RNF170: variants seen among roughly 807,000 people sequenced by gnomAD.
RNF170 encodes ring finger protein 170.
A neutral mutation model predicts 32.7 loss-of-function variants in RNF170; 12 were observed. That is an observed-to-expected ratio of 0.37 (90% confidence interval 0.24 to 0.60). The LOEUF (loss-of-function observed/expected upper bound fraction) is 0.60. Among genes scored for constraint, RNF170 ranks in the 20% least tolerant of loss-of-function variants. The pLI is 0.72. For synonymous variants in RNF170, 91 were observed against 103.6 expected (o/e 0.88, Z 0.74); for missense variants, 212 against 311.2 (o/e 0.68, Z 2.40).
intron 1 of RNF170, among the ~76,000 whole-genome samples, chr8:42,893,365 T>C (rs1282681642): frequency 2.0e-5 from 3 of 152,214 alleles, no homozygotes; most frequent in Admixed American, 1.3e-4. Context: ...GTGTAACTGA[T>C]AGAAGTTTGC....
chr8:42,853,554 A>G lies in RNF170; in HGVS notation c.*2605T>C. 1 of 1,287,156 alleles carries G rather than the reference A, an allele frequency of 7.8e-7. No homozygotes were observed. Among genetic ancestry groups the G allele is most frequent in the Non-Finnish European group, 1.0e-6 (1 of 988,670 alleles). The allele number at this position is 1,287,156 out of a possible 1,614,324, so 79.7% of individuals were successfully genotyped here. ...GTCTTGTTCCCCACAGAGCTGCCCA[A>G]GTTATTATCTGCTCCTGGGGTTGGA... On this transcript the variant is annotated 3_prime_UTR_variant, in exon 7 of 7. Transcript: ENST00000527424.
At chr8:42,891,681 C>G (rs1422205694) in intron 1 of RNF170, among the ~76,000 whole-genome samples, 4 of 152,142 alleles carry the variant, frequency 2.6e-5, no homozygotes, top group Admixed American at 2.0e-4. Flanking sequence ...TCCCAGGTGG[C>G]CTGTCCTCAA....
intron 2 of RNF170, among the ~76,000 whole-genome samples, chr8:42,880,199 G>C (rs991863193): frequency 3.9e-5 from 6 of 152,186 alleles, no homozygotes; most frequent in Admixed American, 3.9e-4. Context: ...ATGAGGAGTT[G>C]CTTCCTATGG....
chr8:42,862,766 A>G (rs1378459538), intron 5 of RNF170, among the ~76,000 whole-genome samples: 1 of 152,216 alleles, frequency 6.6e-6, no homozygotes, highest in African/African-American at 2.4e-5. Flanking sequence ...ATAAAAATGC[A>G]TTCTTTCAAT....
At chr8:42,896,988 C>T (rs558074862), upstream of RNF170, 35 of 501,894 alleles carry the variant, frequency 7.0e-5, no homozygotes, top group African/African-American at 6.2e-4. Flanking sequence ...GGAGCCGCTG[C>T]CAGCGCTGGG....
chr8:42,880,689 G>C (rs942053543), intron 2 of RNF170, among the ~76,000 whole-genome samples: 1 of 152,094 alleles, frequency 6.6e-6, no homozygotes, highest in Non-Finnish European at 1.5e-5. Context: ...AGAATTGCTT[G>C]AACCTGGGAG....
intron 1 of RNF170, among the ~76,000 whole-genome samples, chr8:42,893,520 T>C (rs1004349570): frequency 6.6e-6 from 1 of 152,128 alleles, no homozygotes; most frequent in African/African-American, 2.4e-5. Context: ...TAAAAGGCAT[T>C]AGGTTGAACC....
At chr8:42,877,427 G>A (rs1805037377) in intron 2 of RNF170, among the ~76,000 whole-genome samples, 1 of 152,136 alleles carries the variant, frequency 6.6e-6, no homozygotes, top group Non-Finnish European at 1.5e-5. Flanking sequence ...TGATCTGCCT[G>A]CCTCAGGCTC....
intron 2 of RNF170, among the ~76,000 whole-genome samples, chr8:42,879,688 T>C (rs1805229262): frequency 1.3e-5 from 2 of 151,976 alleles, no homozygotes; most frequent in African/African-American, 4.8e-5. Context: ...CTTTTTTTTT[T>C]TTTGAGACAG....
chr8:42,855,978 C>G lies in RNF170; in HGVS notation c.*181G>C. ...CTAAACTTAATATTAGAACTTCAAA[C>G]ATGAAAATTCCAGTTATACCTAGGT... On this transcript the variant is annotated 3_prime_UTR_variant, in exon 7 of 7. Transcript: ENST00000527424. The G allele has an allele frequency of 6.9e-7, 1 of 1,449,154 alleles. No homozygotes were observed. Among genetic ancestry groups the G allele is most frequent in the Non-Finnish European group, 9.2e-7 (1 of 1,087,028 alleles). 89.8% of individuals were successfully genotyped at this position (1,449,154 alleles called of 1,614,324 possible). A position where few individuals can be genotyped will look rare whatever the true frequency, so the allele number is the denominator to read the frequency against.
chr8:42,854,075 C>T lies in RNF170; in HGVS notation c.*2084G>A, dbSNP rs1283521327. 7 of 1,287,206 alleles carry T rather than the reference C, an allele frequency of 5.4e-6. No homozygotes were observed. The highest frequency in any genetic ancestry group is 4.6e-5 in the Admixed American group (2 of 43,542). 79.7% of individuals were successfully genotyped at this position (1,287,206 alleles called of 1,614,324 possible). A position where few individuals can be genotyped will look rare whatever the true frequency, so the allele number is the denominator to read the frequency against. On this transcript the variant is annotated 3_prime_UTR_variant, in exon 7 of 7. Transcript: ENST00000527424. The stretch of plus-strand genomic sequence containing the variant: ...GCAGTGTGACAAACTCCTACTCACT[C>T]GCTTTTCAAGTTGGTGACTGCAGCT...
chr8:42,855,528 TC>T lies in RNF170; in HGVS notation c.*630del. The T allele has an allele frequency of 7.8e-7, 1 of 1,283,056 alleles. No individual in the cohort carries two copies. Among genetic ancestry groups the T allele is most frequent in the Non-Finnish European group, 1.0e-6 (1 of 984,648 alleles). The allele number at this position is 1,283,056 out of a possible 1,614,324, so 79.5% of individuals were successfully genotyped here. On this transcript the variant is annotated 3_prime_UTR_variant, in exon 7 of 7. Coordinates refer to ENST00000527424, the MANE Select transcript of RNF170 (RefSeq NM_030954.4). ...GCCCGGCCATGTTTTTCATCTTAAT[TC>T]TTCTATTGATTAAAATGTGTTCTGT...
At chr8:42,850,772 C>A, downstream of RNF170, 1 of 1,551,546 alleles carries the variant, frequency 6.4e-7, no homozygotes, top group Non-Finnish European at 8.7e-7. Context: ...TTTGGGTAGT[C>A]TGAGTGAGGA....
downstream of RNF170, among the ~76,000 whole-genome samples, chr8:42,851,564 CAAA>C (rs11345853): frequency 7.3e-5 from 6 of 82,534 alleles, no homozygotes; most frequent in Non-Finnish European, 8.0e-5. Context: ...GACTCCGTCT[CAAA>C]AAAAAAAAAA....
chr8:42,876,200 C>G (rs559269180), intron 2 of RNF170, among the ~76,000 whole-genome samples: 1 of 150,704 alleles, frequency 6.6e-6, no homozygotes, highest in Non-Finnish European at 1.5e-5. Context: ...ATTCTTAAAT[C>G]TGGTGGTAGA....
Position 42,866,739 on chromosome 8 carries a change from A to C in RNF170, c.323-1250T>G, listed in dbSNP as rs146450122. ...CTGCTTGAAGGTATTCATGAGCAGC[A>C]AGCCAGCCGAAGATGGGCAACACAG... On this transcript the variant is annotated intron_variant, in intron 4 of 6. Coordinates refer to ENST00000527424, the MANE Select transcript of RNF170 (RefSeq NM_030954.4). Among the ~76,000 whole-genome samples the C allele has an allele frequency of 6.1e-3, 928 of 152,350 alleles. 5 individuals carry two copies. The highest frequency in any genetic ancestry group is 0.024 in the Middle Eastern group (7 of 294).
chr8:42,856,918 G>A (rs1803285360), intron 6 of RNF170, among the ~76,000 whole-genome samples: 1 of 152,116 alleles, frequency 6.6e-6, no homozygotes, highest in South Asian at 2.1e-4. Flanking sequence ...AGAACGAAAA[G>A]GTTCCCTGGC....
At chr8:42,872,207 T>G (rs764330805) in intron 3 of RNF170, among the ~76,000 whole-genome samples, 4 of 152,092 alleles carry the variant, frequency 2.6e-5, no homozygotes, top group Non-Finnish European at 4.4e-5. Context: ...ACCTGGAAGA[T>G]TCTCCTCAAT....
chr8:42,877,729 T>C (rs1805065265), intron 2 of RNF170, among the ~76,000 whole-genome samples: 1 of 152,056 alleles, frequency 6.6e-6, no homozygotes, highest in Admixed American at 6.5e-5. Context: ...AATGATTCCT[T>C]ACATATAAGA....
Sources: allele counts gnomAD v4.1 joint callset (sites outside exome capture counted in the v4.1 genomes callset), GRCh38; gene constraint gnomAD v4.1.1; transcripts MANE v1.5; gene names NCBI Gene and HGNC (gene_info 2026-07-23, HGNC 2026-07-21).